The following IGFBP7 variants were observed in gnomAD, a reference collection of about 807,000 sequenced individuals.
The protein encoded by IGFBP7 is insulin like growth factor binding protein 7.
A neutral mutation model predicts 29.4 loss-of-function variants in IGFBP7; 31 were observed. The ratio of observed to expected loss-of-function variants is 1.05; its 90% CI spans 0.79 to 1.42. The LOEUF is 1.42. Among genes scored for constraint, IGFBP7 ranks in the 40% most tolerant of loss-of-function variants. IGFBP7 has a pLI of 0.00. For missense variants in IGFBP7, 393 were observed against 395.5 expected (o/e 0.99, Z 0.05); for synonymous variants, 172 against 174.9 (o/e 0.98, Z 0.13).
intron 1 of IGFBP7, among the ~76,000 whole-genome samples, chr4:57,105,228 T>A (rs1725993871): frequency 6.6e-6 from 1 of 152,236 alleles, no homozygotes; most frequent in Non-Finnish European, 1.5e-5. Flanking sequence ...ATCTGGAGTC[T>A]CTAACCTATT....
chr4:57,037,207 C>T (rs889292658), intron 2 of IGFBP7, among the ~76,000 whole-genome samples: 11 of 152,238 alleles, frequency 7.2e-5, no homozygotes, highest in African/African-American at 2.6e-4. Flanking sequence ...AGAAACATTG[C>T]TTTGGGTCAT....
rs554216594 is a variant in IGFBP7 at position 57,067,032 on chromosome 4, A to T, written c.476-26099T>A. 1.6e-4 allele frequency among the ~76,000 whole-genome samples: 24 copies of T among 152,058 alleles called. No individual in the cohort carries two copies. The South Asian group carries it at 5.0e-3, about 32-fold the overall frequency. ...AGTCCTCTCTCCAAGAATTAGGGTA[A>T]AAAACCAAAAACAAAACAAAGTATC... On this transcript the variant is annotated intron_variant, in intron 1 of 4. Coordinates refer to ENST00000295666, the MANE Select transcript of IGFBP7 (RefSeq NM_001553.3).
At chr4:57,101,578 T>C (rs1168902648) in intron 1 of IGFBP7, among the ~76,000 whole-genome samples, 1 of 152,124 alleles carries the variant, frequency 6.6e-6, no homozygotes, top group Admixed American at 6.5e-5. Flanking sequence ...CACATTAGCT[T>C]TTTCAAAAGG....
chr4:57,106,274 A>G (rs768804711), intron 1 of IGFBP7, among the ~76,000 whole-genome samples: 1 of 152,050 alleles, frequency 6.6e-6, no homozygotes, highest in East Asian at 1.9e-4. Context: ...ATGTCATAAA[A>G]GGTTTGGGGG....
In IGFBP7 at chr4:57,110,093, A is replaced by G; in HGVS notation, c.259T>C (p.Cys87Arg). The part of the protein sequence containing the change: ...GRGYCAPGME[C>R]VKSRKRRKGK... ...TTCCGCCTCTTGCGGCTCTTCACGC[A>G]CTCCATGCCCGGCGCGCAGTACCCC... Residue 87 changes from cysteine (C) to arginine (R), a missense_variant, in exon 1 of 5, where the codon TGC becomes CGC. Physicochemically the swap from Cys to Arg is radical, Grantham distance 180. Transcript: ENST00000295666. 1 of 1,541,620 alleles carries G rather than the reference A, an allele frequency of 6.5e-7. No homozygotes were observed. Among genetic ancestry groups the G allele is most frequent in the Non-Finnish European group, 8.7e-7 (1 of 1,150,722 alleles).
chr4:57,101,385 C>G (rs1317277068), intron 1 of IGFBP7, among the ~76,000 whole-genome samples: 1 of 152,178 alleles, frequency 6.6e-6, no homozygotes, highest in Admixed American at 6.5e-5. Flanking sequence ...AGACACAAAA[C>G]TTCTCTGCAA....
chr4:57,056,838 A>T (rs1160965340), intron 1 of IGFBP7, among the ~76,000 whole-genome samples: 1 of 152,254 alleles, frequency 6.6e-6, no homozygotes, highest in Admixed American at 6.5e-5. Flanking sequence ...CATTTTTCAC[A>T]TCAGAAATCT....
intron 1 of IGFBP7, among the ~76,000 whole-genome samples, chr4:57,103,604 TGG>T (rs1190141068): frequency 2.0e-5 from 3 of 151,520 alleles, no homozygotes; most frequent in African/African-American, 7.3e-5. Flanking sequence ...TTTGTGTGTG[TGG>T]TAACAACATT....
At chr4:57,091,802 CT>C (rs1363378661) in intron 1 of IGFBP7, among the ~76,000 whole-genome samples, 10 of 152,174 alleles carry the variant, frequency 6.6e-5, no homozygotes, top group African/African-American at 2.4e-4. Flanking sequence ...AGAAACAAGG[CT>C]TTGCCAGCCC....
At chr4:57,049,684 T>C (rs1724456675) in intron 1 of IGFBP7, among the ~76,000 whole-genome samples, 1 of 152,218 alleles carries the variant, frequency 6.6e-6, no homozygotes, top group African/African-American at 2.4e-5. Flanking sequence ...AGTGCATCAC[T>C]GTTTTCTAAT....
chr4:57,097,671 C>G (rs918303733), intron 1 of IGFBP7, among the ~76,000 whole-genome samples: 1 of 151,978 alleles, frequency 6.6e-6, no homozygotes, highest in African/African-American at 2.4e-5. Flanking sequence ...TCACAAAACT[C>G]TAAGTATAAT....
rs1277274 is a variant in IGFBP7, at chr4:57,042,950, G to C, written c.476-2017C>G. On this transcript the variant is annotated intron_variant, in intron 1 of 4. Coordinates refer to ENST00000295666, the MANE Select transcript of IGFBP7 (RefSeq NM_001553.3). ...AATCCTTTACACATTTTCCAGAGCT[G>C]ATGCAAGTAACCCCCTGGGTGATTT... 3.8e-3 allele frequency among the ~76,000 whole-genome samples: 582 copies of C among 152,324 alleles called. 3 individuals are homozygous for C. Among genetic ancestry groups the C allele is most frequent in the Non-Finnish European group, 7.1e-3 (481 of 68,032 alleles).
At position 57,069,046 on chromosome 4, in the gene IGFBP7, T is replaced by G. The variant is rs553734634; in HGVS notation, c.476-28113A>C. Among the ~76,000 whole-genome samples the G allele has an allele frequency of 7.1e-5, 9 of 125,962 alleles. No individual in the cohort carries two copies. In the East Asian group the frequency reaches 2.2e-3, roughly 30 times the overall value. 82.6% of individuals were successfully genotyped at this position (125,962 alleles called of 152,430 possible). A position where few individuals can be genotyped will look rare whatever the true frequency, so the allele number is the denominator to read the frequency against. Reference sequence around the variant, plus strand: ...CCCTCACCCAGCTCACCCATAAGCCTAGAGGGTCTTATGTGGGTGGTTGAA... The same window carrying G: ...CCCTCACCCAGCTCACCCATAAGCCGAGAGGGTCTTATGTGGGTGGTTGAA... On this transcript the variant is annotated intron_variant, in intron 1 of 4. Coordinates refer to ENST00000295666, the MANE Select transcript of IGFBP7 (RefSeq NM_001553.3).
rs147129073 is a variant in IGFBP7, at chr4:57,094,521, C to G, written c.475+15356G>C. On this transcript the variant is annotated intron_variant, in intron 1 of 4. Transcript: ENST00000295666. ...GCCACTCCTATGAAAACTTAATGAACTCTACACTTCTCACTAACATCTTGT... is the reference window on the plus strand; with the variant it reads ...GCCACTCCTATGAAAACTTAATGAAGTCTACACTTCTCACTAACATCTTGT... 4.6e-3 allele frequency among the ~76,000 whole-genome samples: 703 copies of G among 152,286 alleles called. 4 individuals are homozygous for G. The highest frequency in any genetic ancestry group is 0.02 in the Middle Eastern group (6 of 294).
intron 1 of IGFBP7, among the ~76,000 whole-genome samples, chr4:57,081,565 A>G (rs761056133): frequency 6.6e-6 from 1 of 151,964 alleles, no homozygotes. Flanking sequence ...GGCAGGGGGA[A>G]TGTCGGGCCT....
chr4:57,109,204 G>C lies in IGFBP7; in HGVS notation c.475+673C>G, dbSNP rs538041795. ...TAATCCCAGCAGGCCGGGATTACTT[G>C]AGCTCAGGAGTTCGAGACCAGCCTA... is the stretch of plus-strand genomic sequence containing the variant. On this transcript the variant is annotated intron_variant, in intron 1 of 4. Coordinates refer to ENST00000295666, the MANE Select transcript of IGFBP7 (RefSeq NM_001553.3). Among the ~76,000 whole-genome samples the C allele has an allele frequency of 5.9e-5, 9 of 152,248 alleles. No homozygotes were observed. The South Asian group carries it at 1.5e-3, about 25-fold the overall frequency.
intron 2 of IGFBP7, among the ~76,000 whole-genome samples, chr4:57,034,524 G>C (rs577634191): frequency 1.0e-3 from 153 of 151,742 alleles, no homozygotes; most frequent in African/African-American, 3.5e-3. Context: ...ATAAAGACCA[G>C]ATAATAGTGT....
At chr4:57,046,670 G>A (rs1724368846) in intron 1 of IGFBP7, among the ~76,000 whole-genome samples, 1 of 152,116 alleles carries the variant, frequency 6.6e-6, no homozygotes, top group African/African-American at 2.4e-5. Flanking sequence ...TCCATTAAGA[G>A]CTCCAGACTG....
intron 1 of IGFBP7, among the ~76,000 whole-genome samples, chr4:57,063,488 G>A (rs1250032267): frequency 2.0e-5 from 3 of 152,190 alleles, no homozygotes; most frequent in Non-Finnish European, 4.4e-5. Flanking sequence ...AAAATACACA[G>A]TTTAGTATTT....
Sources: gnomAD v4.1 joint callset for allele counts (sites outside exome capture counted in the v4.1 genomes callset) on GRCh38, gnomAD v4.1.1 for gene constraint, MANE v1.5 for transcripts, NCBI Gene and HGNC (gene_info 2026-07-23, HGNC 2026-07-21) for gene names.